Variants in TAB2 observed in about 807,000 individuals in gnomAD.
The protein encoded by TAB2 is TGF-beta activated kinase 1 (MAP3K7) binding protein 2.
Under a neutral mutation model 65.0 loss-of-function variants are expected in TAB2, and 3 were observed. That is an observed-to-expected ratio of 0.05 (90% CI 0.02 to 0.12). The LOEUF (loss-of-function observed/expected upper bound fraction) is 0.12, where lower values mean the gene tolerates loss of function less well. Ranked by LOEUF, TAB2 falls within the 10% of genes least tolerant of loss-of-function variation. TAB2 has a pLI of 1.00. For missense variants in TAB2, 623 were observed against 840.3 expected (o/e 0.74, Z 3.20); for synonymous variants, 298 against 285.1 (o/e 1.05, Z -0.46).
At chr6:149,348,852 G>C (rs1354731809) in intron 1 of TAB2, among the ~76,000 whole-genome samples, 1 of 151,806 alleles carries the variant, frequency 6.6e-6, no homozygotes. Flanking sequence ...TGTAATCCCA[G>C]CTTAGTCAGG....
At chr6:149,404,899 C>CA (rs1248101847) in intron 6 of TAB2, among the ~76,000 whole-genome samples, 1 of 151,950 alleles carries the variant, frequency 6.6e-6, no homozygotes, top group Non-Finnish European at 1.5e-5. Context: ...GTAACAAAAG[C>CA]AAAAATGGGC....
chr6:149,349,351 C>T (rs948778966), intron 1 of TAB2, among the ~76,000 whole-genome samples: 9 of 144,324 alleles, frequency 6.2e-5, no homozygotes, highest in Non-Finnish European at 9.0e-5. Flanking sequence ...ACCCAGGAGG[C>T]GGAGGTTGCA....
intron 1 of TAB2, among the ~76,000 whole-genome samples, chr6:149,332,063 A>G (rs767444921): frequency 6.6e-6 from 1 of 152,178 alleles, no homozygotes; most frequent in Non-Finnish European, 1.5e-5. Context: ...TTCAAGGATG[A>G]CAAGAGATTT....
At chr6:149,248,500 A>AG (rs1777786975) in intron 1 of TAB2, among the ~76,000 whole-genome samples, 3 of 142,034 alleles carry the variant, frequency 2.1e-5, no homozygotes, top group African/African-American at 8.0e-5. Flanking sequence ...GAGAGAGAGA[A>AG]AGAGAGAAAG....
chr6:149,340,268 A>C (rs1283317021), intron 1 of TAB2, among the ~76,000 whole-genome samples: 3 of 152,216 alleles, frequency 2.0e-5, no homozygotes, highest in Non-Finnish European at 2.9e-5. Flanking sequence ...TTTGGCTAAC[A>C]TTAATAAGAG....
At chr6:149,279,269 G>T (rs1269891578) in intron 1 of TAB2, among the ~76,000 whole-genome samples, 1 of 152,148 alleles carries the variant, frequency 6.6e-6, no homozygotes, top group Non-Finnish European at 1.5e-5. Flanking sequence ...TGTGGTTTCA[G>T]CTCCACCAGT....
intron 1 of TAB2, among the ~76,000 whole-genome samples, chr6:149,237,212 T>C (rs1777511142): frequency 6.6e-6 from 1 of 152,224 alleles, no homozygotes; most frequent in Non-Finnish European, 1.5e-5. Context: ...ATACATGAGC[T>C]TCCTTTTGTT....
At chr6:149,249,599 T>C (rs9390663) in intron 1 of TAB2, among the ~76,000 whole-genome samples, 41,226 of 151,838 alleles carry the variant, frequency 0.27, 6,546 homozygotes, top group Admixed American at 0.38. Context: ...CCTCTCTCTT[T>C]CTGTCTCTCT....
intron 1 of TAB2, among the ~76,000 whole-genome samples, chr6:149,238,418 G>A (rs1040177083): frequency 6.6e-6 from 1 of 152,116 alleles, no homozygotes; most frequent in Non-Finnish European, 1.5e-5. Flanking sequence ...GCTTCTCTGG[G>A]GTTCCAAATC....
chr6:149,341,073 T>C (rs1780106205), intron 1 of TAB2, among the ~76,000 whole-genome samples: 2 of 152,116 alleles, frequency 1.3e-5, no homozygotes, highest in African/African-American at 4.8e-5. Flanking sequence ...ATATCATGCA[T>C]TGATTGCTTT....
At chr6:149,269,795 T>C (rs1402872198) in intron 1 of TAB2, among the ~76,000 whole-genome samples, 1 of 152,252 alleles carries the variant, frequency 6.6e-6, no homozygotes, top group Admixed American at 6.5e-5. Flanking sequence ...TATTGCTAAG[T>C]AGTATTCAAC....
intron 1 of TAB2, among the ~76,000 whole-genome samples, chr6:149,322,122 C>T (rs895945485): frequency 6.6e-6 from 1 of 152,054 alleles, no homozygotes; most frequent in African/African-American, 2.4e-5. Context: ...TTATTGAGCA[C>T]TTATTATGTG....
At chr6:149,230,209 C>T (rs1777374996) in intron 1 of TAB2, 1 of 152,218 alleles carries the variant, frequency 6.6e-6, no homozygotes, top group South Asian at 2.1e-4. Flanking sequence ...TCTTCAGTTT[C>T]ATCCTGCAAT....
At chr6:149,400,829 T>C (rs237024) in intron 6 of TAB2, 463,451 of 865,862 alleles carry the variant, frequency 0.54, 130,037 homozygotes, top group African/African-American at 0.9. Context: ...TTCCACATTC[T>C]TTTATTATAC....
At chr6:149,326,892 T>G (rs1779637151) in intron 1 of TAB2, among the ~76,000 whole-genome samples, 1 of 152,234 alleles carries the variant, frequency 6.6e-6, no homozygotes, top group South Asian at 2.1e-4. Flanking sequence ...GATTTTTGTT[T>G]TGATCAAATG....
At chr6:149,268,139 C>G (rs1359646028) in intron 1 of TAB2, among the ~76,000 whole-genome samples, 2 of 152,132 alleles carry the variant, frequency 1.3e-5, no homozygotes, top group Non-Finnish European at 2.9e-5. Context: ...GGCACTTGCT[C>G]ACCAAAAAGA....
intron 3 of TAB2, among the ~76,000 whole-genome samples, chr6:149,381,493 A>G (rs1310977581): frequency 1.3e-5 from 2 of 152,056 alleles, no homozygotes; most frequent in East Asian, 3.9e-4. Context: ...AGTGATATTA[A>G]AAAGATATTC....
intron 1 of TAB2, among the ~76,000 whole-genome samples, chr6:149,221,632 G>A (rs1238200287): frequency 6.6e-6 from 1 of 152,116 alleles, no homozygotes; most frequent in African/African-American, 2.4e-5. Flanking sequence ...AACACTTAAC[G>A]CACTCTCTGA....
intron 1 of TAB2, among the ~76,000 whole-genome samples, chr6:149,297,055 T>C (rs1168011488): frequency 1.3e-5 from 2 of 151,650 alleles, no homozygotes; most frequent in Non-Finnish European, 2.9e-5. Flanking sequence ...TCATTCATCC[T>C]CTCTATCTCT....
Sources: gnomAD v4.1 joint callset for allele counts (sites outside exome capture counted in the v4.1 genomes callset) on GRCh38, gnomAD v4.1.1 for gene constraint, MANE v1.5 for transcripts, NCBI Gene and HGNC (gene_info 2026-07-23, HGNC 2026-07-21) for gene names.